Variants in REC114 observed in about 807,000 individuals in gnomAD.
The protein encoded by REC114 is meiotic recombination protein REC114.
REC114 carries 27 observed loss-of-function variants against 31.3 expected under a neutral mutation model. The observed-to-expected ratio is 0.86, with a 90% CI of 0.64 to 1.19. The LOEUF (loss-of-function observed/expected upper bound fraction) is 1.19, where lower values mean the gene tolerates loss of function less well. Ranked by LOEUF, REC114 falls within the 50% of genes most tolerant of loss-of-function variation. REC114 has a pLI of 0.00. For synonymous variants in REC114, 134 were observed against 127.7 expected, an observed-to-expected ratio of 1.05 and a Z score of -0.33; for missense variants, 344 against 326.9, an observed-to-expected ratio of 1.05 and a Z score of -0.40.
intron 3 of REC114, among the ~76,000 whole-genome samples, chr15:73,550,478 A>C (rs1894371905): frequency 6.6e-6 from 1 of 152,188 alleles, no homozygotes; most frequent in Non-Finnish European, 1.5e-5. Context: ...ACTCTTCCCC[A>C]GTATTGTTTA....
intron 2 of REC114, among the ~76,000 whole-genome samples, chr15:73,509,943 A>G (rs1595873678): frequency 6.6e-6 from 1 of 151,702 alleles, no homozygotes; most frequent in Non-Finnish European, 1.5e-5. Flanking sequence ...TTGGTTCCAT[A>G]TGAACTTTAA....
At chr15:73,532,308 A>T (rs546888040) in intron 2 of REC114, among the ~76,000 whole-genome samples, 1 of 147,832 alleles carries the variant, frequency 6.8e-6, no homozygotes, top group Admixed American at 6.8e-5. Flanking sequence ...TACAAAGGAC[A>T]TGAACTCATC....
At chr15:73,445,308 C>T (rs544707733) in intron 1 of REC114, among the ~76,000 whole-genome samples, 37 of 152,270 alleles carry the variant, frequency 2.4e-4, no homozygotes, top group Non-Finnish European at 7.4e-5. Flanking sequence ...GTTTTGAATA[C>T]GTTAAAAAAT....
intron 2 of REC114, among the ~76,000 whole-genome samples, chr15:73,478,684 ATCT>A (rs1200170952): frequency 2.0e-5 from 3 of 152,312 alleles, no homozygotes; most frequent in African/African-American, 7.2e-5. Flanking sequence ...TTCTTTTACC[ATCT>A]TCTAAGTAGT....
chr15:73,511,360 G>T (rs903605445), intron 2 of REC114, among the ~76,000 whole-genome samples: 5 of 151,530 alleles, frequency 3.3e-5, no homozygotes, highest in Admixed American at 3.3e-4. Flanking sequence ...CTTGCTAGTG[G>T]TCTATCAATT....
chr15:73,482,697 C>T (rs1016156748), intron 2 of REC114, among the ~76,000 whole-genome samples: 4 of 152,128 alleles, frequency 2.6e-5, no homozygotes, highest in African/African-American at 9.7e-5. Context: ...GAATAATATT[C>T]TACTATAGGT....
intron 2 of REC114, among the ~76,000 whole-genome samples, chr15:73,528,220 C>T (rs896429871): frequency 2.0e-5 from 3 of 152,002 alleles, no homozygotes; most frequent in Admixed American, 6.6e-5. Flanking sequence ...ATTCCTCTTT[C>T]GAGATGTATT....
intron 4 of REC114, among the ~76,000 whole-genome samples, chr15:73,555,060 C>A (rs553964981): frequency 6.6e-6 from 1 of 152,278 alleles, no homozygotes; most frequent in Non-Finnish European, 1.5e-5. Context: ...TTTGTTCTTT[C>A]CTTCCTCACT....
At chr15:73,529,587 C>T (rs746925232) in intron 2 of REC114, among the ~76,000 whole-genome samples, 7 of 152,014 alleles carry the variant, frequency 4.6e-5, no homozygotes, top group East Asian at 3.9e-4. Flanking sequence ...AAGATGGGTG[C>T]GTAGTGTGAT....
chr15:73,536,205 C>T (rs1000671412), intron 2 of REC114, among the ~76,000 whole-genome samples: 2 of 152,222 alleles, frequency 1.3e-5, no homozygotes, highest in African/African-American at 4.8e-5. Context: ...GAGTTCTCCA[C>T]TCTTTCCTGT....
At chr15:73,445,851 A>G (rs76051408) in intron 1 of REC114, among the ~76,000 whole-genome samples, 1,980 of 152,300 alleles carry the variant, frequency 0.013, 14 homozygotes, top group Non-Finnish European at 0.02. Context: ...CATATATAAT[A>G]ATAATAATAA....
intron 2 of REC114, among the ~76,000 whole-genome samples, chr15:73,522,841 A>G (rs2141320782): frequency 6.6e-6 from 1 of 152,318 alleles, no homozygotes; most frequent in Non-Finnish European, 1.5e-5. Flanking sequence ...TTAACTATGT[A>G]AGAAACCACC....
rs1464251741 is a variant in REC114 at position 73,549,742 on chromosome 15, CA to C, written c.334-1195del. On this transcript the variant is annotated intron_variant, in intron 3 of 5. Transcript: ENST00000331090. ...AATGATAATGGATGACTTTTATATT[CA>C]GGGGGAAAAATTAAATGAATTAAAA... Among the ~76,000 whole-genome samples the C allele has an allele frequency of 3.9e-5, 6 of 152,082 alleles. No individual in the cohort carries two copies. In the South Asian group the frequency reaches 1.2e-3, roughly 32 times the overall value.
At chr15:73,554,291 T>C (rs1894432104) in intron 4 of REC114, among the ~76,000 whole-genome samples, 1 of 152,148 alleles carries the variant, frequency 6.6e-6, no homozygotes. Context: ...TGCCCTTAAC[T>C]CTGTTGTACA....
intron 3 of REC114, among the ~76,000 whole-genome samples, chr15:73,542,277 G>A (rs1170774458): frequency 1.3e-5 from 2 of 149,142 alleles, no homozygotes; most frequent in Non-Finnish European, 3.0e-5. Context: ...GTTGCAGTGA[G>A]CCAAGATCGC....
chr15:73,525,080 A>T (rs545848539), intron 2 of REC114, among the ~76,000 whole-genome samples: 7 of 152,334 alleles, frequency 4.6e-5, no homozygotes, highest in African/African-American at 1.7e-4. Context: ...TGGATCAGTC[A>T]AGTGCAAAGG....
In REC114 at chr15:73,510,314, G is replaced by C. The variant is rs1294667575; in HGVS notation, c.250-30171G>C. Among the ~76,000 whole-genome samples, 774 of 147,950 alleles carry C rather than the reference G, an allele frequency of 5.2e-3. 2 individuals are homozygous for C. The highest frequency in any genetic ancestry group is 8.7e-3 in the African/African-American group (338 of 38,932). On this transcript the variant is annotated intron_variant, in intron 2 of 5. Transcript: ENST00000331090. Reference sequence around the variant, plus strand: ...TTTTGTATCCTGAGACTTTGCTGAAGTTGCTTATCAGCTTAAAGAGATTTT... The same window carrying C: ...TTTTGTATCCTGAGACTTTGCTGAACTTGCTTATCAGCTTAAAGAGATTTT...
chr15:73,553,347 C>T (rs866987793), intron 4 of REC114, among the ~76,000 whole-genome samples: 1 of 152,112 alleles, frequency 6.6e-6, no homozygotes, highest in South Asian at 2.1e-4. Context: ...AATAATGCTT[C>T]GTCTATATTC....
intron 1 of REC114, among the ~76,000 whole-genome samples, chr15:73,462,866 CAG>C (rs1208218118): frequency 1.7e-5 from 2 of 117,156 alleles, no homozygotes; most frequent in African/African-American, 7.3e-5. Context: ...GCCTGGGCAA[CAG>C]AGTGAGACTC....
Sources: allele counts gnomAD v4.1 joint callset (sites outside exome capture counted in the v4.1 genomes callset), GRCh38; gene constraint gnomAD v4.1.1; transcripts MANE v1.5; gene names NCBI Gene and HGNC (gene_info 2026-07-23, HGNC 2026-07-21).